The following NSL1 variants were observed in gnomAD, a reference collection of about 807,000 sequenced individuals.
The protein encoded by NSL1 is NSL1 component of MIS12 kinetochore complex.
Under a neutral mutation model 25.4 loss-of-function variants are expected in NSL1, and 11 were observed. The observed-to-expected ratio is 0.43, with a 90% CI of 0.27 to 0.72. The LOEUF (loss-of-function observed/expected upper bound fraction) is 0.72. Ranked by LOEUF, NSL1 falls within the 30% of genes least tolerant of loss-of-function variation. NSL1 has a pLI of 0.19. For synonymous variants in NSL1, 118 were observed against 120.6 expected, an observed-to-expected ratio of 0.98 and a Z score of 0.14; for missense variants, 330 against 342.7, an observed-to-expected ratio of 0.96 and a Z score of 0.29.
At position 212,732,567 on chromosome 1, in the gene NSL1, T is replaced by C; in HGVS notation, c.*5841A>G. ...TCTCGGCCTCCCAAGGTGCTGGGAT[T>C]ACAGGTGTGAGCCACCGCACCCGGC... On this transcript the variant is annotated 3_prime_UTR_variant, in exon 6 of 6. Transcript: ENST00000366977. The C allele has an allele frequency of 6.2e-6, 6 of 960,250 alleles. No homozygotes were observed. The highest frequency in any genetic ancestry group is 7.4e-6 in the Non-Finnish European group (6 of 806,956). The allele number at this position is 960,250 out of a possible 1,614,324, so 59.5% of individuals were successfully genotyped here. A position where few individuals can be genotyped will look rare whatever the true frequency, so the allele number is the denominator to read the frequency against.
intron 4 of NSL1, among the ~76,000 whole-genome samples, chr1:212,769,772 A>C (rs1248177577): frequency 6.6e-6 from 1 of 152,160 alleles, no homozygotes; most frequent in Non-Finnish European, 1.5e-5. Context: ...AATGATAAAC[A>C]ATGAGAGAAA....
chr1:212,771,314 C>CA (rs1301682175), intron 4 of NSL1, among the ~76,000 whole-genome samples: 1 of 151,726 alleles, frequency 6.6e-6, no homozygotes, highest in African/African-American at 2.4e-5. Context: ...AACTCCATCT[C>CA]AAAAAACAAA....
chr1:212,761,245 T>C (rs970039229), intron 4 of NSL1, among the ~76,000 whole-genome samples: 1 of 152,140 alleles, frequency 6.6e-6, no homozygotes, highest in African/African-American at 2.4e-5. Flanking sequence ...CAGCAAAAGA[T>C]TCCAGTGAAA....
intron 4 of NSL1, among the ~76,000 whole-genome samples, chr1:212,752,832 A>G (rs1205638911): frequency 6.6e-6 from 1 of 152,038 alleles, no homozygotes; most frequent in Non-Finnish European, 1.5e-5. Flanking sequence ...AGGTCACTGT[A>G]CTGACTAAAC....
Position 212,791,538 on chromosome 1 carries a change from C to A in NSL1, c.226G>T (p.Ala76Ser). 6.2e-7 allele frequency: 1 copy of A among 1,613,396 alleles called. No homozygotes were observed. The highest frequency in any genetic ancestry group is 1.1e-5 in the South Asian group (1 of 91,036). ...GCTAACTGGTCCCGTACCCACTGCG[C>A]ATCTCGCAGAGCGGGCTCCCGAATC... The part of the protein sequence containing the change: ...EEIREPALRD[A>S]QWTFESAVQE... Residue 76 changes from alanine to serine, a missense_variant, in exon 1 of 6, where the codon GCG (alanine) becomes TCG (serine). Transcript: ENST00000366977.
At chr1:212,776,910 T>C (rs1337060171) in intron 4 of NSL1, among the ~76,000 whole-genome samples, 2 of 151,422 alleles carry the variant, frequency 1.3e-5, no homozygotes, top group Admixed American at 6.6e-5. Context: ...AACAAATGAA[T>C]TAAGTGCTCA....
At chr1:212,764,031 CA>C in intron 4 of NSL1, 1 of 440,588 alleles carries the variant, frequency 2.3e-6, no homozygotes, top group Non-Finnish European at 4.5e-6. Flanking sequence ...TGATGGGCCA[CA>C]AAATAAGTCT....
intron 4 of NSL1, among the ~76,000 whole-genome samples, chr1:212,764,563 G>T (rs565534128): frequency 5.9e-5 from 9 of 152,174 alleles, no homozygotes; most frequent in African/African-American, 2.2e-4. Context: ...ATCCAAATAA[G>T]CTCAATTCAC....
intron 4 of NSL1, among the ~76,000 whole-genome samples, chr1:212,740,135 A>G (rs1316705770): frequency 6.6e-6 from 1 of 152,192 alleles, no homozygotes. Flanking sequence ...AATCTTACTA[A>G]AACTCTAAAC....
intron 4 of NSL1, among the ~76,000 whole-genome samples, chr1:212,776,115 C>T (rs1298201759): frequency 1.3e-5 from 2 of 152,078 alleles, no homozygotes; most frequent in Non-Finnish European, 1.5e-5. Flanking sequence ...GCGCCCAGCC[C>T]GTAAATTGTG....
chr1:212,747,834 C>T lies in NSL1; in HGVS notation c.500-8233G>A, dbSNP rs188203693. Among the ~76,000 whole-genome samples the T allele has an allele frequency of 4.9e-3, 742 of 151,590 alleles. 4 individuals carry two copies. The highest frequency in any genetic ancestry group is 0.016 in the African/African-American group (654 of 41,278). Reference sequence around the variant, plus strand: ...AGGCTGGAGTGCAGTGGTGTGATCTCGGCTCACTGCAACCTCTGCCTCCTG... The same window carrying T: ...AGGCTGGAGTGCAGTGGTGTGATCTTGGCTCACTGCAACCTCTGCCTCCTG... On this transcript the variant is annotated intron_variant, in intron 4 of 5. Coordinates refer to ENST00000366977, the MANE Select transcript of NSL1 (RefSeq NM_015471.4).
intron 3 of NSL1, 82 bp from the exon 4 acceptor site, chr1:212,782,508 CTA>C (rs1211573528): frequency 1.3e-5 from 13 of 984,090 alleles, no homozygotes; most frequent in Non-Finnish European, 1.6e-6. Flanking sequence ...GGGAGATATA[CTA>C]TAGAGTCAGT....
At chr1:212,771,623 A>AAAC (rs1660119103) in intron 4 of NSL1, among the ~76,000 whole-genome samples, 1 of 151,332 alleles carries the variant, frequency 6.6e-6, no homozygotes, top group Non-Finnish European at 1.5e-5. Context: ...AAAAAAAAAA[A>AAAC]AAAAAAAAAC....
intron 4 of NSL1, among the ~76,000 whole-genome samples, chr1:212,745,881 C>T (rs560222098): frequency 7.9e-5 from 12 of 152,266 alleles, no homozygotes; most frequent in African/African-American, 2.9e-4. Flanking sequence ...GGATGGATCA[C>T]CTGAGCCCAG....
intron 4 of NSL1, among the ~76,000 whole-genome samples, chr1:212,757,738 C>G (rs1195534222): frequency 3.3e-5 from 5 of 152,174 alleles, no homozygotes; most frequent in Non-Finnish European, 7.3e-5. Flanking sequence ...CCCCAAGACC[C>G]AGACACCTTG....
In NSL1 at chr1:212,737,693, C is replaced by T. The variant is rs193135953; in HGVS notation, c.*715G>A. ...ATAAATAAGAAACCCTAAAAAGAAACCATTAGTTCCAAGTCAAATTATGTT... is the reference window on the plus strand; with the variant it reads ...ATAAATAAGAAACCCTAAAAAGAAATCATTAGTTCCAAGTCAAATTATGTT... On this transcript the variant is annotated 3_prime_UTR_variant, in exon 6 of 6. Transcript: ENST00000366977. 4.1e-6 allele frequency: 4 copies of T among 971,114 alleles called. No homozygotes were observed. Among genetic ancestry groups the T allele is most frequent in the Admixed American group, 6.2e-5 (1 of 16,254 alleles). The allele number at this position is 971,114 out of a possible 1,614,324, so 60.2% of individuals were successfully genotyped here.
chr1:212,729,945 A>G lies in NSL1; in HGVS notation c.*8463T>C, dbSNP rs1657942367. On this transcript the variant is annotated 3_prime_UTR_variant, in exon 6 of 6. Transcript: ENST00000366977. ...GTGGAGGAACTAAACCTCCGGAAGG[A>G]TTTTTTTTTTTAAGAATGAAATGGG... 2 of 834,670 alleles carry G rather than the reference A, an allele frequency of 2.4e-6. No individual in the cohort carries two copies. The highest frequency in any genetic ancestry group is 1.2e-4 in the East Asian group (1 of 8,064). 51.7% of individuals were successfully genotyped at this position (834,670 alleles called of 1,614,324 possible).
intron 4 of NSL1, among the ~76,000 whole-genome samples, chr1:212,767,253 A>T (rs1449406978): frequency 3.3e-5 from 5 of 152,256 alleles, no homozygotes; most frequent in African/African-American, 7.2e-5. Flanking sequence ...CACACAGATC[A>T]ATGGAACAGA....
chr1:212,782,939 G>C (rs1252556988), intron 3 of NSL1, among the ~76,000 whole-genome samples: 3 of 152,146 alleles, frequency 2.0e-5, no homozygotes, highest in Non-Finnish European at 4.4e-5. Flanking sequence ...AAAAGAAAGA[G>C]GAAATTGCTC....
Sources: allele counts gnomAD v4.1 joint callset (sites outside exome capture counted in the v4.1 genomes callset), GRCh38; gene constraint gnomAD v4.1.1; transcripts MANE v1.5; gene names NCBI Gene and HGNC (gene_info 2026-07-23, HGNC 2026-07-21).